The following ADGRB3 variants were observed in gnomAD, a reference collection of about 807,000 sequenced individuals.
ADGRB3 encodes brain-specific angiogenesis inhibitor 3.
In ADGRB3, 37 loss-of-function variants were observed where a neutral mutation model predicts 193.4. The ratio of observed to expected loss-of-function variants is 0.19; its 90% confidence interval spans 0.15 to 0.25. ADGRB3 has a LOEUF of 0.25. Among genes scored for constraint, ADGRB3 ranks in the 10% least tolerant of loss-of-function variants. The probability of loss-of-function intolerance (pLI) is 1.00; values close to 1 mark genes in which losing one functional copy is unlikely to be tolerated. For missense variants in ADGRB3, 1,637 were observed against 1,852.9 expected, an observed-to-expected ratio of 0.88 and a Z score of 2.14; for synonymous variants, 690 against 644.2, an observed-to-expected ratio of 1.07 and a Z score of -1.08.
intron 3 of ADGRB3, among the ~76,000 whole-genome samples, chr6:68,829,947 G>T (rs1025983033): frequency 5.9e-5 from 9 of 152,044 alleles, no homozygotes; most frequent in African/African-American, 2.2e-4. Flanking sequence ...GAAATAGATA[G>T]CTGTATCTGC....
intron 31 of ADGRB3, among the ~76,000 whole-genome samples, chr6:69,386,300 A>T (rs1286266871): frequency 6.6e-6 from 1 of 152,116 alleles, no homozygotes; most frequent in Non-Finnish European, 1.5e-5. Context: ...GCCCCTATAT[A>T]TTCCAAGCAA....
chr6:69,056,476 T>A (rs1771548330), intron 15 of ADGRB3, among the ~76,000 whole-genome samples: 1 of 152,202 alleles, frequency 6.6e-6, no homozygotes, highest in Admixed American at 6.5e-5. Flanking sequence ...CTTTGTTTTG[T>A]TTTTTAATTT....
In ADGRB3 at chr6:69,289,116, C is replaced by T. The variant is rs561130570; in HGVS notation, c.2815-35756C>T. Among the ~76,000 whole-genome samples the T allele has an allele frequency of 2.6e-5, 4 of 152,184 alleles. No individual in the cohort carries two copies. In the East Asian group the frequency reaches 5.8e-4, roughly 22 times the overall value. On this transcript the variant is annotated intron_variant, in intron 20 of 31. Transcript: ENST00000370598. ...CTTTTCAGGGGTGATCTCCTGAGAGCGTCCAGTTTTCTACCCAAAAGAATA... is the reference window on the plus strand; with the variant it reads ...CTTTTCAGGGGTGATCTCCTGAGAGTGTCCAGTTTTCTACCCAAAAGAATA...
chr6:69,215,692 A>G (rs1240513909), intron 17 of ADGRB3, among the ~76,000 whole-genome samples: 2 of 149,066 alleles, frequency 1.3e-5, no homozygotes, highest in African/African-American at 5.0e-5. Context: ...GGGACAGGTT[A>G]AAAAAAAAAT....
intron 3 of ADGRB3, among the ~76,000 whole-genome samples, chr6:68,911,406 T>C (rs1294158097): frequency 6.9e-6 from 1 of 144,886 alleles, no homozygotes; most frequent in African/African-American, 2.7e-5. Context: ...ACCCTAAAGC[T>C]TAAAGTATAA....
chr6:68,829,249 G>A lies in ADGRB3; in HGVS notation c.758-101310G>A, dbSNP rs568704575. ...CCAGTAACTGGGATTACAGGCTCCC[G>A]CCACCATGCCCAGCTAATTTTTTTT... On this transcript the variant is annotated intron_variant, in intron 3 of 31. Transcript: ENST00000370598. Among the ~76,000 whole-genome samples, 22 of 151,754 alleles carry A rather than the reference G, an allele frequency of 1.4e-4. No homozygotes were observed. The East Asian group carries it at 4.1e-3, about 28-fold the overall frequency.
intron 3 of ADGRB3, among the ~76,000 whole-genome samples, chr6:68,747,856 A>G (rs1766115077): frequency 6.6e-6 from 1 of 152,126 alleles, no homozygotes; most frequent in Non-Finnish European, 1.5e-5. Context: ...CATACCCGTG[A>G]CTTGGAAGAA....
intron 30 of ADGRB3, among the ~76,000 whole-genome samples, chr6:69,374,151 G>C (rs1769764380): frequency 6.6e-6 from 1 of 151,990 alleles, no homozygotes. Flanking sequence ...AAAATTTGGT[G>C]GGGCAGGTGG....
intron 3 of ADGRB3, among the ~76,000 whole-genome samples, chr6:68,744,227 A>T (rs1271312269): frequency 1.3e-5 from 2 of 152,096 alleles, no homozygotes; most frequent in East Asian, 3.8e-4. Flanking sequence ...TTTAATGAAT[A>T]AATATATCAA....
chr6:68,776,056 C>T (rs750220474), intron 3 of ADGRB3, among the ~76,000 whole-genome samples: 16 of 152,080 alleles, frequency 1.1e-4, no homozygotes, highest in Non-Finnish European at 1.8e-4. Flanking sequence ...GCTTTTAGTG[C>T]GTAGAATGAA....
intron 26 of ADGRB3, among the ~76,000 whole-genome samples, chr6:69,341,456 G>C (rs1768972130): frequency 6.6e-6 from 1 of 152,066 alleles, no homozygotes; most frequent in Non-Finnish European, 1.5e-5. Flanking sequence ...TGTATTCTAA[G>C]AACATTCTAT....
intron 17 of ADGRB3, among the ~76,000 whole-genome samples, chr6:69,117,072 A>C (rs1773554628): frequency 6.6e-6 from 1 of 152,206 alleles, no homozygotes; most frequent in South Asian, 2.1e-4. Context: ...CTTGAATAAA[A>C]ATTAGGAAAA....
At chr6:68,760,929 TATA>T (rs1285214923) in intron 3 of ADGRB3, among the ~76,000 whole-genome samples, 1 of 152,252 alleles carries the variant, frequency 6.6e-6, no homozygotes, top group African/African-American at 2.4e-5. Flanking sequence ...ATTCAAATAC[TATA>T]ATTTTTCCTT....
At chr6:69,255,312 A>G (rs547514847) in intron 20 of ADGRB3, among the ~76,000 whole-genome samples, 1 of 152,248 alleles carries the variant, frequency 6.6e-6, no homozygotes, top group South Asian at 2.1e-4. Flanking sequence ...GAACTAGTTT[A>G]CAGTCCCACC....
chr6:68,909,194 G>T lies in ADGRB3; in HGVS notation c.758-21365G>T, dbSNP rs114102430. On this transcript the variant is annotated intron_variant, in intron 3 of 31. Transcript: ENST00000370598. The stretch of plus-strand genomic sequence containing the variant: ...CTCACAAAACACAGTCCAAAACTTG[G>T]AAGATAATGTTACTAATAATTTTTT... 1.6e-3 allele frequency among the ~76,000 whole-genome samples: 248 copies of T among 152,238 alleles called. 3 individuals carry two copies. Among genetic ancestry groups the T allele is most frequent in the African/African-American group, 5.8e-3 (239 of 41,542 alleles).
intron 17 of ADGRB3, among the ~76,000 whole-genome samples, chr6:69,148,875 T>A (rs2150340535): frequency 6.6e-6 from 1 of 152,328 alleles, no homozygotes; most frequent in Admixed American, 6.5e-5. Context: ...TCTTGGAATG[T>A]AAGGTTTCAT....
chr6:69,023,457 A>T (rs917454696), intron 13 of ADGRB3, among the ~76,000 whole-genome samples: 14 of 152,122 alleles, frequency 9.2e-5, no homozygotes, highest in African/African-American at 3.4e-4. Flanking sequence ...TAGCAAATAG[A>T]TGGTTACAGT....
chr6:69,214,693 A>G (rs1765738460), intron 17 of ADGRB3, among the ~76,000 whole-genome samples: 2 of 151,698 alleles, frequency 1.3e-5, no homozygotes, highest in Admixed American at 1.3e-4. Context: ...CTAGCCCTAA[A>G]AGAAATCCCC....
chr6:68,815,576 A>G (rs1487085699), intron 3 of ADGRB3, among the ~76,000 whole-genome samples: 1 of 151,000 alleles, frequency 6.6e-6, no homozygotes, highest in African/African-American at 2.4e-5. Context: ...CAAGATAACC[A>G]GAGTAATTTG....
Sources: gnomAD v4.1 joint callset for allele counts (sites outside exome capture counted in the v4.1 genomes callset) on GRCh38, gnomAD v4.1.1 for gene constraint, MANE v1.5 for transcripts, NCBI Gene and HGNC (gene_info 2026-07-23, HGNC 2026-07-21) for gene names.